The following ZFAT variants were observed in gnomAD, a reference collection of about 807,000 sequenced individuals.
The protein encoded by ZFAT is zinc finger protein ZFAT.
A neutral mutation model predicts 117.7 loss-of-function variants in ZFAT; 64 were observed. The ratio of observed to expected loss-of-function variants is 0.54; its 90% CI spans 0.44 to 0.67. ZFAT has a LOEUF of 0.67. Among genes scored for constraint, ZFAT ranks in the 30% least tolerant of loss-of-function variants. ZFAT has a pLI of 0.00. For synonymous variants in ZFAT, 679 were observed against 615.0 expected (o/e 1.10, Z -1.54); for missense variants, 1,433 against 1,584.5 (o/e 0.90, Z 1.62).
At chr8:134,616,222 C>A (rs1828725655) in intron 3 of ZFAT, among the ~76,000 whole-genome samples, 1 of 152,234 alleles carries the variant, frequency 6.6e-6, no homozygotes, top group African/African-American at 2.4e-5. Flanking sequence ...TCATCCCCAG[C>A]ATTAGGTCTG....
the ZFAT span, among the ~76,000 whole-genome samples, chr8:134,718,577 G>A: frequency 2.6e-5 from 4 of 152,004 alleles, no homozygotes; most frequent in Admixed American, 6.6e-5. Flanking sequence ...AGAGTAACAG[G>A]GCCATGAAAA....
At chr8:134,738,577 C>T in the ZFAT span, among the ~76,000 whole-genome samples, 1 of 152,102 alleles carries the variant, frequency 6.6e-6, no homozygotes, top group Non-Finnish European at 1.5e-5. Context: ...GATATGACTT[C>T]GGTAAATGTG....
chr8:134,681,805 A>G (rs1833083341), intron 1 of ZFAT, among the ~76,000 whole-genome samples: 1 of 152,218 alleles, frequency 6.6e-6, no homozygotes, highest in African/African-American at 2.4e-5. Flanking sequence ...TTAATTTAAT[A>G]AGGGCCAGTA....
chr8:134,589,162 A>G (rs1307471636), intron 8 of ZFAT, among the ~76,000 whole-genome samples: 1 of 152,246 alleles, frequency 6.6e-6, no homozygotes, highest in Non-Finnish European at 1.5e-5. Flanking sequence ...ATAACAAAAT[A>G]ATGTCTTACA....
the ZFAT span, among the ~76,000 whole-genome samples, chr8:134,750,995 T>C: frequency 1.3e-5 from 2 of 152,252 alleles, no homozygotes; most frequent in Non-Finnish European, 2.9e-5. Flanking sequence ...GATGATCATT[T>C]AATTTCTTCT....
rs55811622 is a variant in ZFAT at position 134,564,192 on chromosome 8, C to CAA, written c.2976+1139_2976+1140dup. Among the ~76,000 whole-genome samples, 519 of 57,464 alleles carry CAA rather than the reference C, an allele frequency of 9.0e-3. 24 individuals carry two copies. Among genetic ancestry groups the CAA allele is most frequent in the African/African-American group, 0.037 (482 of 12,922 alleles). The allele number at this position is 57,464 out of a possible 152,430, so 37.7% of individuals were successfully genotyped here. On this transcript the variant is annotated intron_variant, in intron 11 of 15. Transcript: ENST00000377838. ...AAAAAAGAGGAGTGAGACTCCTTCT[C>CAA]AAAAAAAAAAAAAAAAAAAAAAAGA...
Position 134,602,144 on chromosome 8 carries a change from G to A in ZFAT, c.1575C>T (p.Leu525=), listed in dbSNP as rs747583926. The A allele has an allele frequency of 2.5e-6, 4 of 1,613,126 alleles. No individual in the cohort carries two copies. The highest frequency in any genetic ancestry group is 2.2e-5 in the East Asian group (1 of 44,870). The change falls in exon 6 of 16, where the codon CTC becomes CTT. Residue 525 remains leucine (L), a synonymous_variant. Coordinates refer to ENST00000377838, the MANE Select transcript of ZFAT (RefSeq NM_020863.4). The part of the protein sequence containing the change: ...QLQLVEEEFA[L]QGVNALKEEA... ...CTTCCTTGAGTGCATTCACGCCCTG[G>A]AGGGCAAACTCCTCTTCCACCAGCT...
chr8:134,601,077 G>A (rs1354753994), intron 6 of ZFAT, among the ~76,000 whole-genome samples: 1 of 152,122 alleles, frequency 6.6e-6, no homozygotes, highest in East Asian at 1.9e-4. Flanking sequence ...ATTGTGAGTT[G>A]CAGGGTGCTA....
intron 3 of ZFAT, among the ~76,000 whole-genome samples, chr8:134,613,080 T>C (rs1828457717): frequency 6.6e-6 from 1 of 152,240 alleles, no homozygotes; most frequent in African/African-American, 2.4e-5. Context: ...TTGGATGCTA[T>C]AAAAAGGTAG....
chr8:134,679,238 A>T (rs1832950320), intron 1 of ZFAT, among the ~76,000 whole-genome samples: 1 of 152,248 alleles, frequency 6.6e-6, no homozygotes, highest in African/African-American at 2.4e-5. Flanking sequence ...AAACAAGTTT[A>T]CAAGAAAAAA....
At chr8:134,804,038 A>C in the ZFAT span, among the ~76,000 whole-genome samples, 1 of 152,248 alleles carries the variant, frequency 6.6e-6, no homozygotes, top group Non-Finnish European at 1.5e-5. Context: ...AAAGACTAAC[A>C]GAAATAAAAT....
intron 11 of ZFAT, among the ~76,000 whole-genome samples, chr8:134,542,727 G>A (rs1822355163): frequency 1.3e-5 from 2 of 152,126 alleles, no homozygotes; most frequent in East Asian, 3.9e-4. Flanking sequence ...CTTTGTAATA[G>A]TGAGCAAGGT....
intron 13 of ZFAT, among the ~76,000 whole-genome samples, chr8:134,513,040 G>A (rs938561969): frequency 6.6e-6 from 1 of 152,158 alleles, no homozygotes; most frequent in Non-Finnish European, 1.5e-5. Context: ...GGCAGCTGAC[G>A]GTGGAAGGGG....
intron 10 of ZFAT, among the ~76,000 whole-genome samples, chr8:134,578,495 G>A (rs1825481312): frequency 6.6e-6 from 1 of 151,792 alleles, no homozygotes; most frequent in African/African-American, 2.4e-5. Context: ...ACATCAGAGA[G>A]ATGGGGGGAT....
At chr8:134,496,328 T>C (rs1451463892) in intron 15 of ZFAT, among the ~76,000 whole-genome samples, 3 of 152,236 alleles carry the variant, frequency 2.0e-5, no homozygotes, top group Admixed American at 6.5e-5. Flanking sequence ...GGCTGTCTTT[T>C]AGCCCCTTGC....
chr8:134,528,910 C>T (rs762564201), intron 12 of ZFAT, among the ~76,000 whole-genome samples: 44 of 152,286 alleles, frequency 2.9e-4, no homozygotes, highest in Admixed American at 3.3e-4. Context: ...ACACTGTAGG[C>T]GCTTGAGAGA....
At chr8:134,783,313 A>G in the ZFAT span, among the ~76,000 whole-genome samples, 2 of 152,172 alleles carry the variant, frequency 1.3e-5, no homozygotes, top group African/African-American at 4.8e-5. Context: ...ACAGCAGGTG[A>G]CTGATGGCCA....
the ZFAT span, among the ~76,000 whole-genome samples, chr8:134,755,461 G>A: frequency 1.3e-5 from 2 of 151,060 alleles, no homozygotes; most frequent in Admixed American, 6.6e-5. Context: ...TGGTTACATG[G>A]ATGAATTACA....
chr8:134,494,088 C>T (rs945360706), intron 15 of ZFAT, among the ~76,000 whole-genome samples: 6 of 152,056 alleles, frequency 3.9e-5, no homozygotes, highest in African/African-American at 9.7e-5. Context: ...CCAGGCCTGG[C>T]GTGGCAGCTC....
Sources: gnomAD v4.1 joint callset for allele counts (sites outside exome capture counted in the v4.1 genomes callset) on GRCh38, gnomAD v4.1.1 for gene constraint, MANE v1.5 for transcripts, NCBI Gene and HGNC (gene_info 2026-07-23, HGNC 2026-07-21) for gene names.